Variants in FHOD3 observed in about 807,000 individuals in gnomAD.
FHOD3 encodes the protein formin homology 2 domain containing 3, also known as FH1/FH2 domain-containing protein 3.
FHOD3 carries 90 observed loss-of-function variants against 173.0 expected under a neutral mutation model. The observed-to-expected ratio is 0.52, with a 90% CI of 0.44 to 0.62. The LOEUF is 0.62. Among genes scored for constraint, FHOD3 ranks in the 20% least tolerant of loss-of-function variants. FHOD3 has a pLI of 0.00. For missense variants in FHOD3, 1,945 were observed against 2,034.7 expected (o/e 0.96, Z 0.85); for synonymous variants, 828 against 823.0 (o/e 1.01, Z -0.10).
intron 14 of FHOD3, among the ~76,000 whole-genome samples, chr18:36,668,717 C>T (rs2149296084): frequency 6.6e-6 from 1 of 152,026 alleles, no homozygotes; most frequent in African/African-American, 2.4e-5. Context: ...AGTTCTCTGT[C>T]AATTTTTAAA....
Position 36,658,071 on chromosome 18 carries a change from T to A in FHOD3, c.1722-4T>A. On this transcript the variant is annotated splice_polypyrimidine_tract_variant and splice_region_variant and intron_variant, in intron 13 of 28. Transcript: ENST00000590592. ...CCCCCAACTTAAACCTCTGCACTTC[T>A]TAGATACAGCAATTTTGGCAATAAC... 6.2e-7 allele frequency: 1 copy of A among 1,604,470 alleles called. No homozygotes were observed. Among genetic ancestry groups the A allele is most frequent in the South Asian group, 1.1e-5 (1 of 90,666 alleles).
At chr18:36,512,668 C>T (rs1599453086) in intron 5 of FHOD3, 125 bp downstream of exon 5, 1 of 664,834 alleles carries the variant, frequency 1.5e-6, no homozygotes, top group Admixed American at 2.6e-5. Context: ...GGTAAAGACA[C>T]CCTTTGGCAA....
chr18:36,331,332 G>C (rs192424126), intron 1 of FHOD3, among the ~76,000 whole-genome samples: 1 of 152,218 alleles, frequency 6.6e-6, no homozygotes, highest in African/African-American at 2.4e-5. Flanking sequence ...TGCACTAGAA[G>C]TGAGTCTCTC....
intron 3 of FHOD3, among the ~76,000 whole-genome samples, chr18:36,445,002 T>C (rs1046302658): frequency 6.6e-6 from 1 of 152,220 alleles, no homozygotes; most frequent in Non-Finnish European, 1.5e-5. Context: ...CCATGTAGTT[T>C]AGATGTTTCC....
intron 3 of FHOD3, among the ~76,000 whole-genome samples, chr18:36,411,374 C>T (rs2049343509): frequency 6.6e-6 from 1 of 152,080 alleles, no homozygotes; most frequent in South Asian, 2.1e-4. Context: ...TAATGTAATT[C>T]CTCAAAGGGT....
chr18:36,763,177 T>C (rs555862272), intron 27 of FHOD3, among the ~76,000 whole-genome samples: 5 of 148,302 alleles, frequency 3.4e-5, no homozygotes, highest in South Asian at 2.1e-4. Context: ...GTGTATTATA[T>C]ACGCTATATA....
At chr18:36,407,277 A>G (rs561238870) in intron 3 of FHOD3, among the ~76,000 whole-genome samples, 1 of 152,358 alleles carries the variant, frequency 6.6e-6, no homozygotes, top group East Asian at 1.9e-4. Flanking sequence ...ACCTGCAGCC[A>G]TATTAAAAAG....
chr18:36,546,852 C>T (rs9966953), intron 5 of FHOD3, among the ~76,000 whole-genome samples: 25,814 of 152,112 alleles, frequency 0.17, 2,322 homozygotes, highest in Admixed American at 0.25. Context: ...CGCTTCTTTA[C>T]GGTCTCCTAT....
intron 3 of FHOD3, among the ~76,000 whole-genome samples, chr18:36,489,455 A>G (rs956242513): frequency 6.6e-6 from 1 of 152,146 alleles, no homozygotes; most frequent in African/African-American, 2.4e-5. Flanking sequence ...TAATCACAAC[A>G]CAAGCCAAGT....
At chr18:36,746,411 T>G (rs771043225) in intron 23 of FHOD3, among the ~76,000 whole-genome samples, 9 of 152,312 alleles carry the variant, frequency 5.9e-5, no homozygotes, top group Admixed American at 2.6e-4. Flanking sequence ...TGCTAGTTTC[T>G]CCATGAGTGT....
rs1600700107 is a variant in FHOD3 at position 36,779,603 on chromosome 18, G to A, written c.*73G>A. ...TGCTGGATGAAACCCCTCCAGGTGG[G>A]GTTGGGGAGACTTGATATTCACATC... On this transcript the variant is annotated 3_prime_UTR_variant, in exon 29 of 29. Transcript: ENST00000590592. The A allele has an allele frequency of 7.4e-7, 1 of 1,351,418 alleles. No homozygotes were observed. Among genetic ancestry groups the A allele is most frequent in the East Asian group, 2.3e-5 (1 of 43,048 alleles). 83.7% of individuals were successfully genotyped at this position (1,351,418 alleles called of 1,614,324 possible). A position where few individuals can be genotyped will look rare whatever the true frequency, so the allele number is the denominator to read the frequency against.
intron 1 of FHOD3, 142 bp from the exon 2 acceptor site, chr18:36,355,397 A>C: frequency 1.5e-6 from 1 of 653,848 alleles, no homozygotes; most frequent in Non-Finnish European, 2.7e-6. Context: ...TTGCACTAAC[A>C]TACTAGCTCT....
At chr18:36,614,609 T>C (rs1437991884) in intron 9 of FHOD3, among the ~76,000 whole-genome samples, 1 of 152,214 alleles carries the variant, frequency 6.6e-6, no homozygotes, top group Non-Finnish European at 1.5e-5. Context: ...TTTATATTCC[T>C]ACCAGCACTG....
intron 3 of FHOD3, among the ~76,000 whole-genome samples, chr18:36,445,343 T>C (rs2060340995): frequency 6.6e-6 from 1 of 152,166 alleles, no homozygotes; most frequent in African/African-American, 2.4e-5. Flanking sequence ...GAACATGAGC[T>C]GGTGATGAGG....
chr18:36,406,988 G>A (rs556802564), intron 3 of FHOD3, among the ~76,000 whole-genome samples: 1 of 152,322 alleles, frequency 6.6e-6, no homozygotes, highest in Admixed American at 6.5e-5. Context: ...GACCAGTGCT[G>A]TGCACAGAGA....
At chr18:36,445,527 A>C (rs2051415768) in intron 3 of FHOD3, among the ~76,000 whole-genome samples, 1 of 152,190 alleles carries the variant, frequency 6.6e-6, no homozygotes, top group Admixed American at 6.5e-5. Flanking sequence ...GGAGTAAACA[A>C]ATTGTAAATG....
intron 10 of FHOD3, among the ~76,000 whole-genome samples, chr18:36,628,080 T>C (rs2034245678): frequency 6.6e-6 from 1 of 152,228 alleles, no homozygotes; most frequent in Admixed American, 6.5e-5. Context: ...GGGAGAAATA[T>C]GTTTTAGAAA....
chr18:36,777,158 T>C (rs2043721763), intron 28 of FHOD3, among the ~76,000 whole-genome samples: 1 of 151,794 alleles, frequency 6.6e-6, no homozygotes, highest in Non-Finnish European at 1.5e-5. Context: ...AATTTTAAGA[T>C]GCCCAGCTAG....
At chr18:36,725,722 C>T (rs1388636082) in intron 19 of FHOD3, among the ~76,000 whole-genome samples, 3 of 152,186 alleles carry the variant, frequency 2.0e-5, no homozygotes, top group African/African-American at 7.2e-5. Flanking sequence ...TCCAGCCTGT[C>T]ATAATGTTCA....
Sources: allele counts gnomAD v4.1 joint callset (sites outside exome capture counted in the v4.1 genomes callset), GRCh38; gene constraint gnomAD v4.1.1; transcripts MANE v1.5; gene names NCBI Gene and HGNC (gene_info 2026-07-23, HGNC 2026-07-21).